RBFOX1: variants seen among roughly 807,000 people sequenced by gnomAD.
RBFOX1 encodes RNA binding fox-1 homolog 1.
A neutral mutation model predicts 57.7 loss-of-function variants in RBFOX1; 8 were observed. That is an observed-to-expected ratio of 0.14 (90% CI 0.08 to 0.25). The LOEUF (loss-of-function observed/expected upper bound fraction) is 0.25. RBFOX1 is among the 10% of genes least tolerant of loss of function. The probability of loss-of-function intolerance (pLI) is 1.00; values close to 1 mark genes in which losing one functional copy is unlikely to be tolerated. For synonymous variants in RBFOX1, 326 were observed against 222.4 expected (o/e 1.47, Z -4.15); for missense variants, 611 against 548.5 (o/e 1.11, Z -1.14).
chr16:7,684,631 A>G (rs1285434640), intron 14 of RBFOX1, among the ~76,000 whole-genome samples: 2 of 152,094 alleles, frequency 1.3e-5, no homozygotes, highest in African/African-American at 2.4e-5. Context: ...AAAGAAAAAA[A>G]AAAACATGAT....
intron 4 of RBFOX1, among the ~76,000 whole-genome samples, chr16:7,317,457 G>T (rs951604259): frequency 2.0e-5 from 3 of 152,144 alleles, no homozygotes; most frequent in African/African-American, 7.2e-5. Flanking sequence ...CACCAATCCA[G>T]TGCTATTATC....
At chr16:7,698,060 C>T (rs1277308683) in intron 14 of RBFOX1, among the ~76,000 whole-genome samples, 1 of 152,036 alleles carries the variant, frequency 6.6e-6, no homozygotes, top group Non-Finnish European at 1.5e-5. Flanking sequence ...CAAGTGTGTT[C>T]TAGGTTAATT....
At chr16:6,061,232 T>C (rs976225093) in intron 1 of RBFOX1, among the ~76,000 whole-genome samples, 1 of 152,140 alleles carries the variant, frequency 6.6e-6, no homozygotes, top group African/African-American at 2.4e-5. Context: ...AATTGATTAA[T>C]AGATCTAGAA....
At chr16:6,043,875 C>A (rs111950986) in intron 1 of RBFOX1, among the ~76,000 whole-genome samples, 9 of 152,230 alleles carry the variant, frequency 5.9e-5, no homozygotes, top group South Asian at 2.1e-4. Context: ...CAGAGAGGAC[C>A]GGCCTCTGCT....
At chr16:6,767,204 C>T (rs6500817) in intron 3 of RBFOX1, among the ~76,000 whole-genome samples, 17,122 of 152,070 alleles carry the variant, frequency 0.11, 1,311 homozygotes, top group African/African-American at 0.21. Flanking sequence ...ACCTAGCCAG[C>T]TGGCATAACT....
At chr16:7,366,268 C>A (rs965610600) in intron 4 of RBFOX1, among the ~76,000 whole-genome samples, 24 of 152,326 alleles carry the variant, frequency 1.6e-4, no homozygotes, top group African/African-American at 5.1e-4. Context: ...GATGTTGTTT[C>A]CAGCAGAGCT....
intron 1 of RBFOX1, among the ~76,000 whole-genome samples, chr16:6,228,139 C>A (rs2097431210): frequency 6.6e-6 from 1 of 151,886 alleles, no homozygotes; most frequent in Admixed American, 6.6e-5. Context: ...GGTGAAACCC[C>A]ATCTCTAGTA....
At chr16:6,129,795 A>C (rs1350760174) in intron 1 of RBFOX1, among the ~76,000 whole-genome samples, 1 of 152,062 alleles carries the variant, frequency 6.6e-6, no homozygotes, top group Non-Finnish European at 1.5e-5. Context: ...TGAAAAAGGA[A>C]ATATAAAATG....
At chr16:6,614,607 G>A (rs539160367) in intron 2 of RBFOX1, among the ~76,000 whole-genome samples, 1 of 152,146 alleles carries the variant, frequency 6.6e-6, no homozygotes, top group African/African-American at 2.4e-5. Flanking sequence ...AAATCAAAGT[G>A]TGGGCAGGCT....
In RBFOX1 at chr16:5,827,512, C is replaced by T. The variant is rs530293694; in HGVS notation, c.319-39791C>T. Among the ~76,000 whole-genome samples the T allele has an allele frequency of 7.2e-5, 11 of 152,006 alleles. 1 individual carries two copies. Among genetic ancestry groups the T allele is most frequent in the Non-Finnish European group, 1.5e-4 (10 of 68,016 alleles). ...TATGCACCCCGAGAACTCCCTCCCT[C>T]TACATCAAGACTCCGCAAGATTTTT... On this transcript the variant is annotated intron_variant, in intron 3 of 19. Coordinates refer to the RBFOX1 transcript ENST00000641259.
At chr16:6,923,242 G>C (rs1162731474) in intron 3 of RBFOX1, among the ~76,000 whole-genome samples, 2 of 152,164 alleles carry the variant, frequency 1.3e-5, no homozygotes, top group South Asian at 4.1e-4. Context: ...GCTGCTAGAT[G>C]TGGTATCCTG....
chr16:5,811,544 A>G (rs2055433166), intron 3 of RBFOX1, among the ~76,000 whole-genome samples: 1 of 150,616 alleles, frequency 6.6e-6, no homozygotes, highest in Non-Finnish European at 1.5e-5. Context: ...TCTGCCTTCC[A>G]GGTTAAAGTG....
At position 7,361,413 on chromosome 16, in the gene RBFOX1, C is replaced by A. The variant is rs117147833; in HGVS notation, c.28-156734C>A. ...CATTTTGCATCAAAGAACGAGGCTGCGGCACTTCCCTAAAGCTTGAAAGAA... is the reference window on the plus strand; with the variant it reads ...CATTTTGCATCAAAGAACGAGGCTGAGGCACTTCCCTAAAGCTTGAAAGAA... On this transcript the variant is annotated intron_variant, in intron 4 of 15. Transcript: ENST00000550418. Among the ~76,000 whole-genome samples, 406 of 152,284 alleles carry A rather than the reference C, an allele frequency of 2.7e-3. 3 individuals are homozygous for A. The highest frequency in any genetic ancestry group is 3.5e-3 in the South Asian group (17 of 4,824).
At chr16:5,284,423 A>G (rs1419795134) in intron 1 of RBFOX1, among the ~76,000 whole-genome samples, 1 of 151,954 alleles carries the variant, frequency 6.6e-6, no homozygotes, top group Non-Finnish European at 1.5e-5. Context: ...TATTTTCATG[A>G]TGGTAGATAT....
chr16:7,007,182 T>A (rs538516231), intron 3 of RBFOX1, among the ~76,000 whole-genome samples: 3 of 152,198 alleles, frequency 2.0e-5, no homozygotes, highest in African/African-American at 7.2e-5. Context: ...TCCTTGCAGC[T>A]GTAAAGCTGA....
At chr16:7,546,214 G>C (rs112091577) in intron 5 of RBFOX1, among the ~76,000 whole-genome samples, 7 of 151,782 alleles carry the variant, frequency 4.6e-5, no homozygotes, top group African/African-American at 1.7e-4. Context: ...GTAATCCCAG[G>C]TACTTAGGAG....
At position 6,583,949 on chromosome 16, in the gene RBFOX1, G is replaced by C. The variant is rs559862778; in HGVS notation, c.-63-70654G>C. ...GATTGTATCTTCATCACTCCAGTTT[G>C]GTAGTTGAGAAAGCTGAAAAACAAA... On this transcript the variant is annotated intron_variant, in intron 2 of 15. Coordinates refer to ENST00000550418, the MANE Select transcript of RBFOX1 (RefSeq NM_018723.4). Among the ~76,000 whole-genome samples the C allele has an allele frequency of 7.9e-5, 12 of 151,792 alleles. No individual in the cohort carries two copies. In the East Asian group the frequency reaches 1.7e-3, roughly 22 times the overall value.
At chr16:7,492,820 C>A (rs749729164) in intron 4 of RBFOX1, among the ~76,000 whole-genome samples, 1 of 152,180 alleles carries the variant, frequency 6.6e-6, no homozygotes, top group African/African-American at 2.4e-5. Flanking sequence ...TCTGCTTCAC[C>A]TTCCACCGTG....
At chr16:5,736,658 A>G (rs572578401) in intron 3 of RBFOX1, among the ~76,000 whole-genome samples, 6 of 151,596 alleles carry the variant, frequency 4.0e-5, no homozygotes, top group Admixed American at 1.3e-4. Context: ...GTCACCTGGC[A>G]TTTTCCTGTG....
Sources: gnomAD v4.1 joint callset for allele counts (sites outside exome capture counted in the v4.1 genomes callset) on GRCh38, gnomAD v4.1.1 for gene constraint, MANE v1.5 for transcripts, NCBI Gene and HGNC (gene_info 2026-07-23, HGNC 2026-07-21) for gene names.